TRDN: variants seen among roughly 807,000 people sequenced by gnomAD.
TRDN encodes triadin in skeletal muscle.
In TRDN, 161 loss-of-function variants were observed where a neutral mutation model predicts 149.7. The observed-to-expected ratio is 1.08, with a 90% CI of 0.95 to 1.23. The LOEUF (loss-of-function observed/expected upper bound fraction) is 1.23, where lower values mean the gene tolerates loss of function less well. Among genes scored for constraint, TRDN ranks in the 50% most tolerant of loss-of-function variants. The pLI, the probability that TRDN is intolerant of heterozygous loss-of-function variation, is 0.00. For synonymous variants in TRDN, 294 were observed against 250.5 expected (o/e 1.17, Z -1.64); for missense variants, 896 against 823.5 (o/e 1.09, Z -1.08).
rs531858151 is a variant in TRDN, at chr6:123,262,288, T to A, written c.1805-1650A>T. On this transcript the variant is annotated intron_variant, in intron 33 of 40. Transcript: ENST00000334268. ...AACCCACACAATAACTGTTAGAAGA[T>A]CTCCATACTGTGTTTATTCAATACA... Among the ~76,000 whole-genome samples, 4 of 152,120 alleles carry A rather than the reference T, an allele frequency of 2.6e-5. No homozygotes were observed. The East Asian group carries it at 7.7e-4, about 29-fold the overall frequency.
intron 30 of TRDN, 26 bp from the exon 31 acceptor site, chr6:123,269,892 G>C (rs1484851251): frequency 6.2e-7 from 1 of 1,607,950 alleles, no homozygotes; most frequent in African/African-American, 1.3e-5. Flanking sequence ...GCAAGCACAT[G>C]GCATATTGAT....
intron 4 of TRDN, among the ~76,000 whole-genome samples, chr6:123,538,832 G>T (rs1318434531): frequency 1.3e-5 from 2 of 152,008 alleles, no homozygotes; most frequent in South Asian, 2.1e-4. Context: ...GTTATCTCAG[G>T]TTAATTCATT....
chr6:123,631,638 C>T (rs1786013227), intron 1 of TRDN, among the ~76,000 whole-genome samples: 1 of 152,018 alleles, frequency 6.6e-6, no homozygotes, highest in African/African-American at 2.4e-5. Flanking sequence ...AGAGAATTCA[C>T]TGACCCATAT....
chr6:123,391,967 T>C (rs1229598761), intron 13 of TRDN, among the ~76,000 whole-genome samples: 1 of 152,094 alleles, frequency 6.6e-6, no homozygotes, highest in Non-Finnish European at 1.5e-5. Flanking sequence ...GAAAGATCTA[T>C]GGAGGATTTG....
intron 24 of TRDN, among the ~76,000 whole-genome samples, chr6:123,308,933 G>A (rs1457923867): frequency 6.6e-6 from 1 of 151,950 alleles, no homozygotes; most frequent in African/African-American, 2.4e-5. Context: ...ATCATTTACT[G>A]AACATTAGTC....
chr6:123,365,721 C>T (rs531735873), intron 20 of TRDN, among the ~76,000 whole-genome samples: 74 of 152,238 alleles, frequency 4.9e-4, no homozygotes, highest in Non-Finnish European at 7.9e-4. Context: ...TCACCTAATA[C>T]ATTTCATAAT....
intron 12 of TRDN, among the ~76,000 whole-genome samples, chr6:123,424,951 C>T (rs1245050555): frequency 6.6e-6 from 1 of 152,044 alleles, no homozygotes; most frequent in Non-Finnish European, 1.5e-5. Flanking sequence ...TTCAAAGCTG[C>T]TGAAATTTTC....
At chr6:123,261,708 G>C (rs1450205418) in intron 33 of TRDN, among the ~76,000 whole-genome samples, 1 of 151,716 alleles carries the variant, frequency 6.6e-6, no homozygotes, top group African/African-American at 2.4e-5. Flanking sequence ...TTATGACAAT[G>C]AAGGTATACA....
Position 123,457,841 on chromosome 6 carries a change from C to T in TRDN, c.931+7065G>A, listed in dbSNP as rs543247677. Among the ~76,000 whole-genome samples, 53 of 152,224 alleles carry T rather than the reference C, an allele frequency of 3.5e-4. 1 individual carries two copies. The South Asian group carries it at 0.011, about 30-fold the overall frequency. On this transcript the variant is annotated intron_variant, in intron 10 of 40. Coordinates refer to ENST00000334268, the MANE Select transcript of TRDN (RefSeq NM_006073.4). ...TCTCAAATAGTCAACATCATATGATCCAAAACAAAATATTCTAAAGATTCC... is the reference window on the plus strand; with the variant it reads ...TCTCAAATAGTCAACATCATATGATTCAAAACAAAATATTCTAAAGATTCC...
intron 7 of TRDN, chr6:123,509,831 T>G (rs1779090341): frequency 6.6e-6 from 1 of 152,172 alleles, no homozygotes; most frequent in African/African-American, 2.4e-5. Flanking sequence ...AAAAGATGCT[T>G]GAAGACCTGT....
At chr6:123,586,220 T>G (rs1783471831) in intron 1 of TRDN, among the ~76,000 whole-genome samples, 5 of 152,050 alleles carry the variant, frequency 3.3e-5, no homozygotes, top group East Asian at 1.9e-4. Context: ...GCTGGGCAGG[T>G]GAGGGCTAGT....
At chr6:123,273,067 T>C (rs1400955149) in intron 28 of TRDN, 56 bp from the exon 29 acceptor site, 1 of 1,131,898 alleles carries the variant, frequency 8.8e-7, no homozygotes, top group African/African-American at 1.6e-5. Context: ...GGAAAATAGC[T>C]AGCAGATTTT....
At chr6:123,360,946 G>A (rs930367821) in intron 20 of TRDN, among the ~76,000 whole-genome samples, 6 of 152,070 alleles carry the variant, frequency 3.9e-5, no homozygotes, top group Admixed American at 2.0e-4. Context: ...AAGATAGATG[G>A]ATATGTGCCA....
rs147321552 is a variant in TRDN at position 123,267,190 on chromosome 6, A to G, written c.1783+517T>C. 3.6e-4 allele frequency among the ~76,000 whole-genome samples: 54 copies of G among 149,772 alleles called. No individual in the cohort carries two copies. The East Asian group carries it at 0.01, about 28-fold the overall frequency. ...ACTGGTAGAATTTACCAAAAGAGAG[A>G]GATTTTTGCAGTTAGCTTCCTATAT... On this transcript the variant is annotated intron_variant, in intron 32 of 40. Transcript: ENST00000334268.
chr6:123,272,309 T>C (rs1777230637), intron 29 of TRDN, among the ~76,000 whole-genome samples: 1 of 151,998 alleles, frequency 6.6e-6, no homozygotes, highest in African/African-American at 2.4e-5. Context: ...AATAATATTC[T>C]ACAGAATAAT....
At chr6:123,560,377 T>C (rs535885779) in intron 2 of TRDN, among the ~76,000 whole-genome samples, 30 of 152,240 alleles carry the variant, frequency 2.0e-4, no homozygotes, top group Non-Finnish European at 2.8e-4. Context: ...ACCACCAAGC[T>C]GTTTTATAGG....
intron 24 of TRDN, among the ~76,000 whole-genome samples, chr6:123,289,395 A>G (rs1777919383): frequency 2.6e-5 from 4 of 151,928 alleles, no homozygotes; most frequent in Admixed American, 2.6e-4. Flanking sequence ...CTGGAGGAAT[A>G]AGTTTTAGTA....
intron 38 of TRDN, among the ~76,000 whole-genome samples, chr6:123,234,399 CT>C (rs1775712339): frequency 6.6e-6 from 1 of 152,008 alleles, no homozygotes; most frequent in Admixed American, 6.6e-5. Context: ...CAGAAATAAG[CT>C]TTCATCCATT....
intron 20 of TRDN, among the ~76,000 whole-genome samples, chr6:123,363,117 A>G (rs1434737568): frequency 6.6e-6 from 1 of 152,208 alleles, no homozygotes; most frequent in African/African-American, 2.4e-5. Context: ...CAAAATTAGT[A>G]ATTTCCACTT....
Sources: allele counts gnomAD v4.1 joint callset (sites outside exome capture counted in the v4.1 genomes callset), GRCh38; gene constraint gnomAD v4.1.1; transcripts MANE v1.5; gene names NCBI Gene and HGNC (gene_info 2026-07-23, HGNC 2026-07-21).